STARD9: variants seen among roughly 807,000 people sequenced by gnomAD.
STARD9 encodes StAR related lipid transfer domain containing 9.
A neutral mutation model predicts 399.8 loss-of-function variants in STARD9; 346 were observed. The ratio of observed to expected loss-of-function variants is 0.87; its 90% CI spans 0.79 to 0.95. STARD9 has a LOEUF of 0.95. STARD9 is among the 40% of genes least tolerant of loss of function. The probability of loss-of-function intolerance (pLI) is 0.00; values close to 1 mark genes in which losing one functional copy is unlikely to be tolerated. For missense variants in STARD9, 5,832 were observed against 5,667.5 expected, an observed-to-expected ratio of 1.03 and a Z score of -0.93; for synonymous variants, 2,203 against 2,143.5, an observed-to-expected ratio of 1.03 and a Z score of -0.77.
Position 42,687,902 on chromosome 15 carries a change from G to C in STARD9, c.6324G>C (p.Leu2108Phe), listed in dbSNP as rs748097363. The change falls in exon 23 of 33, where the codon TTG becomes TTC. Residue 2108 changes from leucine (L) to phenylalanine (F), a missense_variant. Leu to Phe is a conservative substitution (Grantham distance 22). Coordinates refer to ENST00000290607, the MANE Select transcript of STARD9 (RefSeq NM_020759.3). ...AFRPDSSGNPLPSKDQPSSPR... is the reference protein window; with the variant it reads ...AFRPDSSGNPFPSKDQPSSPR... ...GGCCAGACAGCTCTGGAAACCCTTT[G>C]CCCTCTAAGGATCAGCCATCTTCTC... 5.9e-6 allele frequency: 9 copies of C among 1,537,240 alleles called. No homozygotes were observed. The highest frequency in any genetic ancestry group is 1.4e-5 in the African/African-American group (1 of 73,164).
chr15:42,592,691 A>G (rs1338272237), intron 3 of STARD9, among the ~76,000 whole-genome samples: 2 of 151,846 alleles, frequency 1.3e-5, no homozygotes, highest in African/African-American at 2.4e-5. Flanking sequence ...TGATCTGCCC[A>G]CCTCAGCCTC....
Position 42,689,897 on chromosome 15 carries a change from C to T in STARD9, c.8319C>T (p.Pro2773=). ...SVPQETAEGI[P]PGSQDSSPEH... The stretch of plus-strand genomic sequence containing the variant: ...CGCAGGAGACTGCAGAGGGCATACC[C>T]CCTGGCAGTCAGGACAGCAGCCCAG... Residue 2773 remains proline (P), a synonymous_variant, in exon 23 of 33, where the codon CCC becomes CCT. Transcript: ENST00000290607. 6.5e-7 allele frequency: 1 copy of T among 1,537,602 alleles called. No individual in the cohort carries two copies. Among genetic ancestry groups the T allele is most frequent in the East Asian group, 2.4e-5 (1 of 40,916 alleles).
chr15:42,603,397 G>A (rs528244919), intron 3 of STARD9, among the ~76,000 whole-genome samples: 1 of 152,228 alleles, frequency 6.6e-6, no homozygotes, highest in South Asian at 2.1e-4. Flanking sequence ...TTACAGGCAT[G>A]AGCCACCATG....
rs1311716635 is a variant in STARD9, at chr15:42,669,190, G to A, written c.1350G>A (p.Lys450=). 7.8e-6 allele frequency: 12 copies of A among 1,536,056 alleles called. No homozygotes were observed. The highest frequency in any genetic ancestry group is 3.9e-5 in the Admixed American group (2 of 50,976). ...AGCTGACTAAAGACTGGACCCAGAAGTGGAATGATTGGCAGGCCCTCATGG... is the reference window on the plus strand; with the variant it reads ...AGCTGACTAAAGACTGGACCCAGAAATGGAATGATTGGCAGGCCCTCATGG... ...IDQLTKDWTQ[K]WNDWQALMEH... Residue 450 remains lysine, a synonymous_variant, in exon 16 of 33, where the codon AAG becomes AAA. Coordinates refer to ENST00000290607, the MANE Select transcript of STARD9 (RefSeq NM_020759.3).
At position 42,682,336 on chromosome 15, in the gene STARD9, A is replaced by G; in HGVS notation, c.2298A>G (p.Lys766=). 8 of 1,537,248 alleles carry G rather than the reference A, an allele frequency of 5.2e-6. No homozygotes were observed. In the South Asian group the frequency reaches 9.5e-5, roughly 18 times the overall value. The change falls in exon 22 of 33, where the codon AAA becomes AAG. Residue 766 remains lysine, a synonymous_variant. Coordinates refer to ENST00000290607, the MANE Select transcript of STARD9 (RefSeq NM_020759.3). ...LRAAERNVRR[K]KVSFQLERII... ...CAGCAGAGCGGAATGTCCGGCGGAA[A>G]AAGGTCTCATTCCAGCTAGAGAGAA...
intron 3 of STARD9, among the ~76,000 whole-genome samples, chr15:42,619,301 G>C (rs964287075): frequency 1.3e-4 from 20 of 152,002 alleles, no homozygotes; most frequent in African/African-American, 4.8e-4. Context: ...TGTTCCTTTA[G>C]TTTTGCTTTT....
intron 3 of STARD9, among the ~76,000 whole-genome samples, chr15:42,597,998 ATATGTGTGTGTGTGTGTG>A (rs2058545274): frequency 3.5e-5 from 4 of 112,696 alleles, no homozygotes; most frequent in South Asian, 3.1e-4. Flanking sequence ...TTGTATATAT[ATATGTGTGTGTGTGTGTG>A]TGTGTGTGTG....
At chr15:42,607,320 A>G (rs1038197030) in intron 3 of STARD9, among the ~76,000 whole-genome samples, 3 of 145,964 alleles carry the variant, frequency 2.1e-5, no homozygotes, top group Non-Finnish European at 4.5e-5. Context: ...CTCCTGCCTC[A>G]TTCTCCTGAG....
intron 15 of STARD9, among the ~76,000 whole-genome samples, chr15:42,666,539 T>TCA (rs2060106180): frequency 6.6e-6 from 1 of 152,260 alleles, no homozygotes; most frequent in African/African-American, 2.4e-5. Context: ...GAATGGGTGT[T>TCA]CATGGTAGAG....
chr15:42,712,091 A>ATTTAT (rs2061242746), intron 26 of STARD9, among the ~76,000 whole-genome samples: 2 of 84 alleles, frequency 0.024, 1 homozygote, highest in East Asian at 0.33. Context: ...TTATATATAT[A>ATTTAT]TATATAATAT....
intron 26 of STARD9, among the ~76,000 whole-genome samples, chr15:42,708,843 A>T (rs1367606800): frequency 6.6e-6 from 1 of 152,174 alleles, no homozygotes; most frequent in African/African-American, 2.4e-5. Context: ...TTTTTGGCAA[A>T]AAAAATACCA....
chr15:42,645,370 G>A (rs1010489680), intron 7 of STARD9, among the ~76,000 whole-genome samples: 2 of 152,170 alleles, frequency 1.3e-5, no homozygotes, highest in Admixed American at 6.5e-5. Context: ...CTTCTTGTAC[G>A]TCTCCATCAG....
Position 42,681,334 on chromosome 15 carries a change from C to T in STARD9, c.1875-88C>T, listed in dbSNP as rs977543990. On this transcript the variant is annotated intron_variant, in intron 20 of 32. Coordinates refer to ENST00000290607, the MANE Select transcript of STARD9 (RefSeq NM_020759.3). ...CTCTCTACCCTGTTGATTGCAGGGG[C>T]TCTCTTGGAAGGCCTTACACTGCTA... The T allele has an allele frequency of 7.6e-6, 10 of 1,314,460 alleles. No homozygotes were observed. In the African/African-American group the frequency reaches 1.2e-4, roughly 16 times the overall value. The allele number at this position is 1,314,460 out of a possible 1,614,324, so 81.4% of individuals were successfully genotyped here.
At chr15:42,593,240 A>G (rs2058435779) in intron 3 of STARD9, among the ~76,000 whole-genome samples, 1 of 152,178 alleles carries the variant, frequency 6.6e-6, no homozygotes, top group Admixed American at 6.5e-5. Context: ...ATCCTGCTCC[A>G]TTTGGAAAAC....
rs1172216169 is a variant in STARD9 at position 42,694,623 on chromosome 15, G to A, written c.12860G>A (p.Ser4287Asn). 4 of 1,537,092 alleles carry A rather than the reference G, an allele frequency of 2.6e-6. No individual in the cohort carries two copies. The highest frequency in any genetic ancestry group is 3.5e-6 in the Non-Finnish European group (4 of 1,146,900). ...TRSLSPQKQL[S>N]LLPNKDLFIW... ...AGCCTTAGCCCTCAGAAACAACTGA[G>A]CCTCCTGCCCAACAAAGATCTCTTC... Residue 4287 changes from serine (S) to asparagine (N), a missense_variant, in exon 24 of 33, where the codon AGC becomes AAC. Coordinates refer to ENST00000290607, the MANE Select transcript of STARD9 (RefSeq NM_020759.3).
rs903679341 is a variant in STARD9, at chr15:42,689,164, C to G, written c.7586C>G (p.Pro2529Arg). 1.3e-5 allele frequency: 20 copies of G among 1,537,226 alleles called. No individual in the cohort carries two copies. The highest frequency in any genetic ancestry group is 2.4e-5 in the East Asian group (1 of 40,910). ...GTTTCCTTAGCACCTGTTTCCCTGC[C>G]GAGGGTGCCCAGTCCAGAGCCTAGG... is the stretch of plus-strand genomic sequence containing the variant. ...SGVSLAPVSLPRVPSPEPRLL... is the reference protein window; with the variant it reads ...SGVSLAPVSLRRVPSPEPRLL... Residue 2529 changes from proline to arginine, a missense_variant, in exon 23 of 33, where the codon CCG (proline) becomes CGG (arginine). Pro to Arg is a moderately radical substitution (Grantham distance 103). Transcript: ENST00000290607.
intron 3 of STARD9, among the ~76,000 whole-genome samples, chr15:42,608,345 A>ATAAC (rs1491145005): frequency 2.0e-5 from 3 of 152,164 alleles, no homozygotes; most frequent in African/African-American, 7.2e-5. Flanking sequence ...AGATGAACAC[A>ATAAC]TAACTAATCT....
In STARD9 at chr15:42,691,831, C is replaced by T; in HGVS notation, c.10253C>T (p.Thr3418Ile). 2.6e-6 allele frequency: 4 copies of T among 1,537,310 alleles called. No individual in the cohort carries two copies. Among genetic ancestry groups the T allele is most frequent in the Non-Finnish European group, 3.5e-6 (4 of 1,146,928 alleles). The change falls in exon 23 of 33, where the codon ACC (threonine) becomes ATC (isoleucine). Residue 3418 changes from threonine (T) to isoleucine (I), a missense_variant. By Grantham distance (89) the Thr-to-Ile change is moderately conservative. This residue lies in a region of STARD9 where 5,828 missense variants were observed against 5,651.1 expected (regional missense o/e 1.03). Coordinates refer to ENST00000290607, the MANE Select transcript of STARD9 (RefSeq NM_020759.3). ...PMPSTLSHMPTPDFTTSWMSG... is the reference protein window; with the variant it reads ...PMPSTLSHMPIPDFTTSWMSG... Reference sequence around the variant, plus strand: ...CCTTCCACTCTCTCACACATGCCAACCCCTGATTTCACGACCAGCTGGATG... The same window carrying T: ...CCTTCCACTCTCTCACACATGCCAATCCCTGATTTCACGACCAGCTGGATG...
At chr15:42,610,744 G>A (rs1041154008) in intron 3 of STARD9, among the ~76,000 whole-genome samples, 2 of 152,066 alleles carry the variant, frequency 1.3e-5, no homozygotes, top group East Asian at 3.9e-4. Context: ...ACGGGGTTTC[G>A]CCATGTTGGC....
Sources: gnomAD v4.1 joint callset for allele counts (sites outside exome capture counted in the v4.1 genomes callset) on GRCh38, gnomAD v4.1.1 for gene constraint, gnomAD v4.1.1 regional missense constraint, MANE v1.5 for transcripts, NCBI Gene and HGNC (gene_info 2026-07-23, HGNC 2026-07-21) for gene names.